The following NUFIP1 variants were observed in gnomAD, a reference collection of about 807,000 sequenced individuals.
The protein encoded by NUFIP1 is FMR1-interacting protein NUFIP1.
Under a neutral mutation model 56.2 loss-of-function variants are expected in NUFIP1, and 38 were observed. The observed-to-expected ratio is 0.68, with a 90% CI of 0.52 to 0.89. The LOEUF (loss-of-function observed/expected upper bound fraction) is 0.89, where lower values mean the gene tolerates loss of function less well. NUFIP1 is among the 40% of genes least tolerant of loss of function. NUFIP1 has a pLI of 0.00. For missense variants in NUFIP1, 567 were observed against 605.8 expected (o/e 0.94, Z 0.67); for synonymous variants, 215 against 212.4 (o/e 1.01, Z -0.10).
At chr13:44,971,177 C>G (rs1334596487) in intron 5 of NUFIP1, among the ~76,000 whole-genome samples, 1 of 152,142 alleles carries the variant, frequency 6.6e-6, no homozygotes, top group African/African-American at 2.4e-5. Flanking sequence ...CAGATGAACT[C>G]ACCCAGTGCC....
At chr13:44,964,499 G>A (rs984183165) in intron 6 of NUFIP1, among the ~76,000 whole-genome samples, 4 of 152,158 alleles carry the variant, frequency 2.6e-5, no homozygotes, top group Non-Finnish European at 4.4e-5. Context: ...TCCAGACTGC[G>A]GAGAAGAGGA....
chr13:44,965,348 C>T (rs376477150), intron 6 of NUFIP1, among the ~76,000 whole-genome samples: 9 of 152,258 alleles, frequency 5.9e-5, no homozygotes, highest in African/African-American at 1.7e-4. Context: ...TTATCAGCAG[C>T]GTGAAAATGG....
chr13:44,944,592 G>A (rs527660078), intron 8 of NUFIP1, among the ~76,000 whole-genome samples: 1 of 152,112 alleles, frequency 6.6e-6, no homozygotes, highest in South Asian at 2.1e-4. Flanking sequence ...AACTCAAATT[G>A]ACAAAGAACA....
At chr13:44,986,320 T>C (rs189501020) in intron 1 of NUFIP1, among the ~76,000 whole-genome samples, 4 of 152,118 alleles carry the variant, frequency 2.6e-5, no homozygotes, top group Non-Finnish European at 4.4e-5. Flanking sequence ...CCAACCCTCA[T>C]AGACGATTTT....
intron 1 of NUFIP1, among the ~76,000 whole-genome samples, chr13:44,986,970 C>T (rs746475560): frequency 6.6e-6 from 1 of 152,118 alleles, no homozygotes; most frequent in Non-Finnish European, 1.5e-5. Flanking sequence ...CACAGGCATT[C>T]CACCACGCCT....
At chr13:44,954,764 T>C (rs1413462940) in intron 7 of NUFIP1, among the ~76,000 whole-genome samples, 1 of 152,206 alleles carries the variant, frequency 6.6e-6, no homozygotes, top group African/African-American at 2.4e-5. Flanking sequence ...GACTTTGCTT[T>C]ATAGTCTCCA....
At chr13:44,980,052 T>G in intron 3 of NUFIP1, 100 bp from the exon 4 acceptor site, 2 of 818,660 alleles carry the variant, frequency 2.4e-6, no homozygotes, top group Non-Finnish European at 3.9e-6. Flanking sequence ...CTGTATTACA[T>G]AGTTATCCCA....
At position 44,959,391 on chromosome 13, in the gene NUFIP1, G is replaced by A. The variant is rs1169898591; in HGVS notation, c.1011C>T (p.Asn337=). 2 of 1,613,166 alleles carry A rather than the reference G, an allele frequency of 1.2e-6. No homozygotes were observed. The highest frequency in any genetic ancestry group is 2.2e-5 in the South Asian group (2 of 90,740). The change falls in exon 7 of 10, where the codon AAC becomes AAT. Residue 337 remains asparagine, a synonymous_variant. Coordinates refer to ENST00000379161, the MANE Select transcript of NUFIP1 (RefSeq NM_012345.3). ...TCCTGTTTAGCTTACCAGAATCACT[G>A]TTTATCAAAACACCAAGAGGATCTG... ...ANADPLGVLI[N]SDSESDKEEK... is the part of the protein sequence containing the mutation.
At chr13:44,983,012 T>G (rs1410306052) in intron 1 of NUFIP1, among the ~76,000 whole-genome samples, 1 of 152,066 alleles carries the variant, frequency 6.6e-6, no homozygotes, top group African/African-American at 2.4e-5. Flanking sequence ...TGTCTCTGTC[T>G]CTTTTAAAAA....
intron 2 of NUFIP1, 94 bp downstream of exon 2, chr13:44,981,978 A>G (rs1872207163): frequency 1.8e-6 from 1 of 553,564 alleles, no homozygotes; most frequent in South Asian, 6.6e-5. Context: ...CAATAATGGA[A>G]GCAAAACACT....
At chr13:44,973,410 T>C (rs991242495) in intron 5 of NUFIP1, among the ~76,000 whole-genome samples, 1 of 152,252 alleles carries the variant, frequency 6.6e-6, no homozygotes, top group Non-Finnish European at 1.5e-5. Context: ...ACATGATTTA[T>C]AAATACAAGT....
chr13:44,980,177 A>G (rs1872137578), intron 3 of NUFIP1, among the ~76,000 whole-genome samples: 1 of 152,246 alleles, frequency 6.6e-6, no homozygotes, highest in Middle Eastern at 3.2e-3. Context: ...TTACTTCTCC[A>G]TTTGAGCAAA....
chr13:44,949,885 A>G (rs767318807), intron 7 of NUFIP1, 47 bp from the exon 8 acceptor site: 1 of 1,185,452 alleles, frequency 8.4e-7, no homozygotes, highest in Non-Finnish European at 1.3e-6. Flanking sequence ...ACCATAAAAA[A>G]GCTGTCCATC....
chr13:44,982,544 A>G (rs1872231659), intron 1 of NUFIP1, among the ~76,000 whole-genome samples: 1 of 151,956 alleles, frequency 6.6e-6, no homozygotes, highest in Admixed American at 6.6e-5. Context: ...CTCAAATCCC[A>G]CTGTACTTTT....
chr13:44,944,793 A>C (rs1454330928), intron 8 of NUFIP1, among the ~76,000 whole-genome samples: 3 of 152,114 alleles, frequency 2.0e-5, no homozygotes, highest in Non-Finnish European at 4.4e-5. Flanking sequence ...TAAACAACAC[A>C]CTTCTAAATA....
chr13:44,970,669 G>GA (rs1053693659), intron 5 of NUFIP1, among the ~76,000 whole-genome samples: 18 of 151,820 alleles, frequency 1.2e-4, no homozygotes, highest in African/African-American at 4.4e-4. Flanking sequence ...TTGTAACAGG[G>GA]TTTTTTTGTT....
chr13:44,968,533 C>T (rs1052931044), intron 5 of NUFIP1, among the ~76,000 whole-genome samples: 14 of 151,972 alleles, frequency 9.2e-5, no homozygotes, highest in Non-Finnish European at 1.3e-4. Context: ...AGATGAGAAG[C>T]GACAATAAAA....
chr13:44,970,405 A>T lies in NUFIP1; in HGVS notation c.735-4469T>A, dbSNP rs1211245152. Among the ~76,000 whole-genome samples the T allele has an allele frequency of 3.3e-5, 5 of 152,348 alleles. 1 individual carries two copies. In the South Asian group the frequency reaches 1.0e-3, roughly 32 times the overall value. The stretch of plus-strand genomic sequence containing the variant: ...GCCAAGCAAACCTTCAGTTTTCTTT[A>T]AGCTTTAAAATTCTTACTCTGTGAA... On this transcript the variant is annotated intron_variant, in intron 5 of 9. Coordinates refer to ENST00000379161, the MANE Select transcript of NUFIP1 (RefSeq NM_012345.3).
At chr13:44,966,983 T>C (rs1566061066) in intron 5 of NUFIP1, among the ~76,000 whole-genome samples, 1 of 148,928 alleles carries the variant, frequency 6.7e-6, no homozygotes, top group South Asian at 2.1e-4. Flanking sequence ...AAAACATAAA[T>C]AAATAAATAA....
Sources: allele counts gnomAD v4.1 joint callset (sites outside exome capture counted in the v4.1 genomes callset), GRCh38; gene constraint gnomAD v4.1.1; transcripts MANE v1.5; gene names NCBI Gene and HGNC (gene_info 2026-07-23, HGNC 2026-07-21).